The following ORC2 variants were observed in gnomAD, a reference collection of about 807,000 sequenced individuals.
ORC2 encodes the protein origin recognition complex subunit 2, also known as origin recognition complex protein 2 homolog.
ORC2 carries 37 observed loss-of-function variants against 77.7 expected under a neutral mutation model. That is an observed-to-expected ratio of 0.48 (90% CI 0.37 to 0.63). ORC2 has a LOEUF of 0.63. Among genes scored for constraint, ORC2 ranks in the 20% least tolerant of loss-of-function variants. The pLI is 0.00. For synonymous variants in ORC2, 201 were observed against 229.5 expected, an observed-to-expected ratio of 0.88 and a Z score of 1.12; for missense variants, 557 against 661.9, an observed-to-expected ratio of 0.84 and a Z score of 1.74.
chr2:200,959,639 C>T (rs1234778485), intron 1 of ORC2, among the ~76,000 whole-genome samples, 199 bp from the exon 2 acceptor site: 3 of 152,196 alleles, frequency 2.0e-5, no homozygotes, highest in Non-Finnish European at 4.4e-5. Context: ...ATACTGAGAA[C>T]ATCTGGATGG....
chr2:200,923,535 C>T (rs1226767753), intron 13 of ORC2, among the ~76,000 whole-genome samples: 1 of 152,140 alleles, frequency 6.6e-6, no homozygotes, highest in Non-Finnish European at 1.5e-5. Context: ...CAGGTGTGAG[C>T]CACCGCATCC....
chr2:200,916,859 C>A (rs377662859), intron 15 of ORC2, among the ~76,000 whole-genome samples: 1 of 151,984 alleles, frequency 6.6e-6, no homozygotes, highest in African/African-American at 2.4e-5. Flanking sequence ...CCCGCCACCA[C>A]GCCCGGCTAA....
At chr2:200,919,592 C>T (rs1352701780) in intron 15 of ORC2, among the ~76,000 whole-genome samples, 1 of 152,220 alleles carries the variant, frequency 6.6e-6, no homozygotes, top group Non-Finnish European at 1.5e-5. Context: ...CTCCTGACCT[C>T]AAGTGACCCA....
chr2:200,917,894 G>C (rs1352423259), intron 15 of ORC2, among the ~76,000 whole-genome samples: 1 of 149,996 alleles, frequency 6.7e-6, no homozygotes, highest in Non-Finnish European at 1.5e-5. Context: ...TAAATTGCTA[G>C]GGGGGGTTAA....
intron 5 of ORC2, among the ~76,000 whole-genome samples, chr2:200,949,114 A>T (rs2041302531): frequency 6.6e-6 from 1 of 151,766 alleles, no homozygotes; most frequent in Admixed American, 6.6e-5. Context: ...GGTGGAGCAC[A>T]CCTGTAGTCT....
At position 200,931,324 on chromosome 2, in the gene ORC2, AATG is replaced by A. The variant is rs777577334; in HGVS notation, c.917+12_917+14del. ...TATTCTTTATTTTACAAGGGTTTGT[AATG>A]ATAATACTTACTGTAATTGCAGCAT... On this transcript the variant is annotated intron_variant, in intron 11 of 17. Transcript: ENST00000234296. 6 of 1,023,316 alleles carry A rather than the reference AATG, an allele frequency of 5.9e-6. No homozygotes were observed. In the Middle Eastern group the frequency reaches 9.7e-4, roughly 165 times the overall value. The allele number at this position is 1,023,316 out of a possible 1,614,324, so 63.4% of individuals were successfully genotyped here.
rs2041177605 is a variant in ORC2 at position 200,942,736 on chromosome 2, T to G, written c.370A>C (p.Ser124Arg). The G allele has an allele frequency of 6.2e-7, 1 of 1,610,700 alleles. No individual in the cohort carries two copies. The highest frequency in any genetic ancestry group is 1.3e-5 in the African/African-American group (1 of 74,850). Residue 124 changes from serine (S) to arginine (R), a missense_variant, in exon 6 of 18, where the codon AGT (serine) becomes CGT (arginine). Ser to Arg is a moderately radical substitution (Grantham distance 110). Coordinates refer to ENST00000234296, the MANE Select transcript of ORC2 (RefSeq NM_006190.5). The stretch of plus-strand genomic sequence containing the variant: ...GTAATCTCAGGATCATTCTTCAAAC[T>G]GAATGAAACACTTTTTTGTGGTGTT... ...AKTPQKSVSFSLKNDPEITIN... is the reference protein window; with the variant it reads ...AKTPQKSVSFRLKNDPEITIN...
intron 4 of ORC2, among the ~76,000 whole-genome samples, chr2:200,953,537 A>T (rs942218049): frequency 1.3e-5 from 2 of 152,080 alleles, no homozygotes; most frequent in Non-Finnish European, 2.9e-5. Flanking sequence ...GTGGTTCCTT[A>T]AAAAATTAAA....
intron 4 of ORC2, among the ~76,000 whole-genome samples, chr2:200,954,105 T>C (rs1016369840): frequency 6.6e-6 from 1 of 151,778 alleles, no homozygotes; most frequent in Non-Finnish European, 1.5e-5. Flanking sequence ...TGACCTTGGC[T>C]CATTGCAACC....
At chr2:200,955,107 T>C (rs959836650) in intron 4 of ORC2, among the ~76,000 whole-genome samples, 7 of 152,296 alleles carry the variant, frequency 4.6e-5, no homozygotes, top group African/African-American at 1.7e-4. Flanking sequence ...CTGTGAGTGC[T>C]GTTATGTGAG....
At position 200,933,822 on chromosome 2, in the gene ORC2, T is replaced by C; in HGVS notation, c.807+54A>G. On this transcript the variant is annotated intron_variant, in intron 10 of 17. Coordinates refer to ENST00000234296, the MANE Select transcript of ORC2 (RefSeq NM_006190.5). Reference sequence around the variant, plus strand: ...TTTCAAATCTGTTGCTTACGTAGCATATTTTTCAGGACAGAGTAAAAAAAA... The same window carrying C: ...TTTCAAATCTGTTGCTTACGTAGCACATTTTTCAGGACAGAGTAAAAAAAA... The C allele has an allele frequency of 8.6e-6, 8 of 924,918 alleles. No homozygotes were observed. The Admixed American group carries it at 1.3e-4, about 15-fold the overall frequency. 57.3% of individuals were successfully genotyped at this position (924,918 alleles called of 1,614,324 possible).
intron 7 of ORC2, 60 bp from the exon 8 acceptor site, chr2:200,938,026 G>C: frequency 1.6e-6 from 2 of 1,229,876 alleles, no homozygotes; most frequent in Non-Finnish European, 2.3e-6. Flanking sequence ...TGATCTGAGT[G>C]AAAGAGGCTA....
rs1479934164 is a variant in ORC2, at chr2:200,909,350, A to C, written c.*1951T>G. On this transcript the variant is annotated 3_prime_UTR_variant, in exon 18 of 18. Transcript: ENST00000234296. Reference sequence around the variant, plus strand: ...TGAATATCCTTTGGTACTATTAAAAAAATTTTTTTAAATCACATTTATGTA... The same window carrying C: ...TGAATATCCTTTGGTACTATTAAAACAATTTTTTTAAATCACATTTATGTA... 6.6e-6 allele frequency: 1 copy of C among 152,236 alleles called. No individual in the cohort carries two copies. The highest frequency in any genetic ancestry group is 1.5e-5 in the Non-Finnish European group (1 of 68,046). The allele number at this position is 152,236 out of a possible 1,614,324, so 9.4% of individuals were successfully genotyped here. A position where few individuals can be genotyped will look rare whatever the true frequency, so the allele number is the denominator to read the frequency against.
At chr2:200,942,430 G>A (rs1308370927) in intron 6 of ORC2, among the ~76,000 whole-genome samples, 11 of 152,014 alleles carry the variant, frequency 7.2e-5, no homozygotes, top group Admixed American at 7.2e-4. Flanking sequence ...CATGACAACA[G>A]GACTTAAAGA....
rs768717429 is a variant in ORC2, at chr2:200,933,988, G to C, written c.709-14C>G. The C allele has an allele frequency of 7.0e-7, 1 of 1,422,524 alleles. No individual in the cohort carries two copies. The highest frequency in any genetic ancestry group is 2.1e-4 in the Middle Eastern group (1 of 4,832). 88.1% of individuals were successfully genotyped at this position (1,422,524 alleles called of 1,614,324 possible). On this transcript the variant is annotated splice_polypyrimidine_tract_variant and intron_variant, in intron 9 of 17. Transcript: ENST00000234296. ...TACTAAGTCACTCTGAAAGTGAACA[G>C]AGTAGTCAGTCCTTAGTAGCTTCAA...
intron 17 of ORC2, among the ~76,000 whole-genome samples, chr2:200,912,200 C>G (rs1457018027): frequency 6.6e-6 from 1 of 152,144 alleles, no homozygotes; most frequent in Non-Finnish European, 1.5e-5. Context: ...TTAGGTAGTA[C>G]CCCAATGCCT....
At chr2:200,937,749 G>A (rs557371728) in intron 8 of ORC2, among the ~76,000 whole-genome samples, 157 bp downstream of exon 8, 188 of 152,232 alleles carry the variant, frequency 1.2e-3, no homozygotes, top group Non-Finnish European at 2.2e-3. Flanking sequence ...AATATACACT[G>A]ACTACAATGT....
At chr2:200,912,946 A>G (rs909431325) in intron 17 of ORC2, among the ~76,000 whole-genome samples, 5 of 152,260 alleles carry the variant, frequency 3.3e-5, no homozygotes, top group Admixed American at 6.5e-5. Context: ...TTACTACTGT[A>G]TCCTAATACT....
Position 200,914,008 on chromosome 2 carries a change from A to G in ORC2, c.1467-16T>C. 1 of 1,500,388 alleles carries G rather than the reference A, an allele frequency of 6.7e-7. No individual in the cohort carries two copies. The highest frequency in any genetic ancestry group is 9.1e-7 in the Non-Finnish European group (1 of 1,097,426). The allele number at this position is 1,500,388 out of a possible 1,614,324, so 92.9% of individuals were successfully genotyped here. A position where few individuals can be genotyped will look rare whatever the true frequency, so the allele number is the denominator to read the frequency against. On this transcript the variant is annotated splice_polypyrimidine_tract_variant and intron_variant, in intron 15 of 17. Transcript: ENST00000234296. ...GAAAATTCCCCTAAAAAAAAAAAAA[A>G]ACAGGAATTTAAATCCAAAAATGTT...
Sources: gnomAD v4.1 joint callset for allele counts (sites outside exome capture counted in the v4.1 genomes callset) on GRCh38, gnomAD v4.1.1 for gene constraint, MANE v1.5 for transcripts, NCBI Gene and HGNC (gene_info 2026-07-23, HGNC 2026-07-21) for gene names.